Variants in RHEX observed in about 807,000 individuals in gnomAD.
RHEX encodes the protein regulator of hemoglobinization and erythroid cell expansion protein.
RHEX carries 18 observed loss-of-function variants against 20.1 expected under a neutral mutation model. The ratio of observed to expected loss-of-function variants is 0.90; its 90% CI spans 0.62 to 1.33. The LOEUF is 1.33. Among genes scored for constraint, RHEX ranks in the 40% most tolerant of loss-of-function variants. RHEX has a pLI of 0.00. For synonymous variants in RHEX, 87 were observed against 77.1 expected (o/e 1.13, Z -0.67); for missense variants, 192 against 214.3 (o/e 0.90, Z 0.65).
intron 1 of RHEX, among the ~76,000 whole-genome samples, chr1:206,087,485 C>T (rs1201633720): frequency 1.3e-5 from 2 of 151,620 alleles, no homozygotes; most frequent in Non-Finnish European, 2.9e-5. Context: ...TCACCTGCGG[C>T]ATCTCTTCTG....
Position 206,102,025 on chromosome 1 carries a change from TCCCCCTTAAAC to T in RHEX, c.*74_*84del. 2 of 1,285,126 alleles carry T rather than the reference TCCCCCTTAAAC, an allele frequency of 1.6e-6. No homozygotes were observed. Among genetic ancestry groups the T allele is most frequent in the Non-Finnish European group, 2.2e-6 (2 of 891,278 alleles). The allele number at this position is 1,285,126 out of a possible 1,614,324, so 79.6% of individuals were successfully genotyped here. On this transcript the variant is annotated 3_prime_UTR_variant, in exon 6 of 6. Transcript: ENST00000331555. The stretch of plus-strand genomic sequence containing the variant: ...TTAATTTGTAGGGAAATGCCATTTT[TCCCCCTTAAAC>T]AAGGCATGGGGCTCACAAGTCTATG...
Position 206,102,343 on chromosome 1 carries a change from A to G in RHEX, c.*391A>G, listed in dbSNP as rs979151340. 3.2e-5 allele frequency: 6 copies of G among 186,082 alleles called. No homozygotes were observed. The South Asian group carries it at 7.6e-4, about 24-fold the overall frequency. 11.5% of individuals were successfully genotyped at this position (186,082 alleles called of 1,614,324 possible). A position where few individuals can be genotyped will look rare whatever the true frequency, so the allele number is the denominator to read the frequency against. On this transcript the variant is annotated 3_prime_UTR_variant, in exon 6 of 6. Transcript: ENST00000331555. Reference sequence around the variant, plus strand: ...AAAAAGGTTGAATCAGCTGTTGTAGAGTTCTATTTGGCAATCTCATGGTTA... The same window carrying G: ...AAAAAGGTTGAATCAGCTGTTGTAGGGTTCTATTTGGCAATCTCATGGTTA...
chr1:206,098,626 C>A (rs28540967), intron 3 of RHEX: 15,419 of 156,882 alleles, frequency 0.098, 791 homozygotes, highest in South Asian at 0.19. Flanking sequence ...TAGTGAAGCT[C>A]GGTCCTGGAA....
At chr1:206,095,560 T>C (rs545787185) in intron 1 of RHEX, among the ~76,000 whole-genome samples, 79 of 152,290 alleles carry the variant, frequency 5.2e-4, no homozygotes, top group Admixed American at 3.1e-3. Context: ...CTCACGCCTG[T>C]AATCCCAGCA....
At chr1:206,080,483 A>G (rs558882518) in intron 1 of RHEX, among the ~76,000 whole-genome samples, 5 of 152,278 alleles carry the variant, frequency 3.3e-5, no homozygotes, top group African/African-American at 1.2e-4. Flanking sequence ...GAGGCTTGGG[A>G]AGGAGGCTGT....
At chr1:206,057,983 T>C (rs1266634340) in intron 1 of RHEX, among the ~76,000 whole-genome samples, 2 of 152,282 alleles carry the variant, frequency 1.3e-5, no homozygotes, top group African/African-American at 4.8e-5. Context: ...CAAAATAGAC[T>C]AGCTCTTGAT....
At chr1:206,092,042 TTCTC>T (rs1287306513) in intron 1 of RHEX, among the ~76,000 whole-genome samples, 1 of 150,882 alleles carries the variant, frequency 6.6e-6, no homozygotes, top group South Asian at 2.1e-4. Context: ...TTCTCTTTCT[TTCTC>T]TCTTTCTCTC....
At chr1:206,064,241 A>AGCTG (rs1662369634) in intron 1 of RHEX, among the ~76,000 whole-genome samples, 1 of 119,254 alleles carries the variant, frequency 8.4e-6, no homozygotes, top group Non-Finnish European at 1.7e-5. Flanking sequence ...CCCGGCAGCC[A>AGCTG]CCCCGTCCGG....
intron 1 of RHEX, among the ~76,000 whole-genome samples, chr1:206,065,972 C>T (rs1662413714): frequency 2.0e-5 from 3 of 152,230 alleles, no homozygotes; most frequent in Admixed American, 2.0e-4. Context: ...AAAAGAGGAA[C>T]CACTGTTTAG....
intron 1 of RHEX, among the ~76,000 whole-genome samples, chr1:206,092,835 A>G (rs1325918665): frequency 1.3e-5 from 2 of 152,348 alleles, no homozygotes; most frequent in African/African-American, 4.8e-5. Context: ...AAGTCTAGCA[A>G]TGTGGAGGAG....
At chr1:206,078,657 TAAAC>T (rs1662680325) in intron 1 of RHEX, among the ~76,000 whole-genome samples, 1 of 152,224 alleles carries the variant, frequency 6.6e-6, no homozygotes, top group Non-Finnish European at 1.5e-5. Context: ...CATTGAATCT[TAAAC>T]AACTCTGTAA....
chr1:206,082,032 C>T (rs1662748583), intron 1 of RHEX, among the ~76,000 whole-genome samples: 1 of 152,126 alleles, frequency 6.6e-6, no homozygotes, highest in Non-Finnish European at 1.5e-5. Context: ...CCACATGGCT[C>T]CCAGTGTTCT....
chr1:206,057,424 C>T (rs529334892), intron 1 of RHEX, among the ~76,000 whole-genome samples: 1,010 of 152,090 alleles, frequency 6.6e-3, no homozygotes, highest in Non-Finnish European at 0.01. Context: ...TCCTGTAGGG[C>T]AGCTTAGTTG....
chr1:206,091,219 A>G (rs1460953134), intron 1 of RHEX, among the ~76,000 whole-genome samples: 1 of 152,202 alleles, frequency 6.6e-6, no homozygotes, highest in Non-Finnish European at 1.5e-5. Context: ...GAGTTAATGT[A>G]TATAAAAATT....
intron 1 of RHEX, chr1:206,080,257 C>T (rs1662709213): frequency 6.6e-6 from 1 of 152,192 alleles, no homozygotes; most frequent in African/African-American, 2.4e-5. Context: ...ATTCCCCAAT[C>T]CTATTTCTGA....
intron 1 of RHEX, among the ~76,000 whole-genome samples, chr1:206,085,921 C>T: frequency 6.6e-6 from 1 of 152,204 alleles, no homozygotes; most frequent in South Asian, 2.1e-4. Context: ...GCCCTAGCCT[C>T]ATAACCACCT....
intron 1 of RHEX, among the ~76,000 whole-genome samples, chr1:206,088,481 G>A (rs1662880798): frequency 6.6e-6 from 1 of 152,144 alleles, no homozygotes. Flanking sequence ...CCAGGAGTTC[G>A]AGACCAGCCT....
intron 1 of RHEX, among the ~76,000 whole-genome samples, chr1:206,083,944 C>G (rs1553286196): frequency 6.6e-6 from 1 of 152,186 alleles, no homozygotes; most frequent in African/African-American, 2.4e-5. Flanking sequence ...AATCCTCACT[C>G]TGCTAAACTT....
chr1:206,061,127 C>T (rs534464638), intron 1 of RHEX: 6 of 152,230 alleles, frequency 3.9e-5, no homozygotes, highest in African/African-American at 1.4e-4. Flanking sequence ...AATACTGATG[C>T]CAAATAATCT....
Sources: allele counts gnomAD v4.1 joint callset (sites outside exome capture counted in the v4.1 genomes callset), GRCh38; gene constraint gnomAD v4.1.1; transcripts MANE v1.5; gene names NCBI Gene and HGNC (gene_info 2026-07-23, HGNC 2026-07-21).